The following KCNK10 variants were observed in gnomAD, a reference collection of about 807,000 sequenced individuals.
KCNK10 encodes potassium channel subfamily K member 10.
KCNK10 carries 25 observed loss-of-function variants against 47.7 expected under a neutral mutation model. The observed-to-expected ratio is 0.52, with a 90% confidence interval of 0.38 to 0.73. The LOEUF is 0.73. Among genes scored for constraint, KCNK10 ranks in the 30% least tolerant of loss-of-function variants. The pLI is 0.00. For missense variants in KCNK10, 563 were observed against 714.5 expected, an observed-to-expected ratio of 0.79 and a Z score of 2.42; for synonymous variants, 303 against 285.6, an observed-to-expected ratio of 1.06 and a Z score of -0.61.
chr14:88,304,227 A>C (rs1410417876), intron 1 of KCNK10, among the ~76,000 whole-genome samples: 1 of 152,012 alleles, frequency 6.6e-6, no homozygotes, highest in African/African-American at 2.4e-5. Context: ...GGGCGGGAGG[A>C]TCACTTGAGC....
chr14:88,285,618 A>G (rs1398448311), intron 1 of KCNK10, among the ~76,000 whole-genome samples: 1 of 152,202 alleles, frequency 6.6e-6, no homozygotes, highest in Non-Finnish European at 1.5e-5. Context: ...ACGAAAGCTT[A>G]GCTGTTCTAA....
At chr14:88,261,093 A>G (rs1173230934) in intron 2 of KCNK10, among the ~76,000 whole-genome samples, 2 of 152,260 alleles carry the variant, frequency 1.3e-5, no homozygotes, top group East Asian at 1.9e-4. Context: ...TTGCTTTGAT[A>G]TCTTGCTCTA....
At chr14:88,287,763 T>C (rs1887798213) in intron 1 of KCNK10, among the ~76,000 whole-genome samples, 1 of 151,686 alleles carries the variant, frequency 6.6e-6, no homozygotes, top group Non-Finnish European at 1.5e-5. Context: ...TGATGGGCAT[T>C]TGGGCTGGTT....
chr14:88,324,702 G>A (rs1359329800), upstream of KCNK10, among the ~76,000 whole-genome samples: 2 of 152,140 alleles, frequency 1.3e-5, no homozygotes, highest in Non-Finnish European at 2.9e-5. Flanking sequence ...ATGCCTGCCA[G>A]CTGGGGTCCT....
chr14:88,312,791 C>A lies in KCNK10; in HGVS notation c.52+9956G>T, dbSNP rs532039710. Among the ~76,000 whole-genome samples, 10 of 152,206 alleles carry A rather than the reference C, an allele frequency of 6.6e-5. No individual in the cohort carries two copies. The South Asian group carries it at 2.1e-3, about 32-fold the overall frequency. On this transcript the variant is annotated intron_variant, in intron 1 of 6. Transcript: ENST00000319231. ...CACAAGACAGGCAAAATAGACACTT[C>A]CAGTATTTGAATAATACAAAAAGTT...
chr14:88,287,624 G>A (rs1006236266), intron 1 of KCNK10, among the ~76,000 whole-genome samples: 2 of 151,770 alleles, frequency 1.3e-5, no homozygotes, highest in African/African-American at 4.9e-5. Context: ...CATCCAGGTT[G>A]CTGCAGATGC....
chr14:88,254,448 T>C (rs1041011077), intron 2 of KCNK10, among the ~76,000 whole-genome samples: 1 of 152,068 alleles, frequency 6.6e-6, no homozygotes, highest in African/African-American at 2.4e-5. Flanking sequence ...ATGGGACCAC[T>C]CGAGCTCCCC....
At chr14:88,257,870 C>G (rs916479930) in intron 2 of KCNK10, among the ~76,000 whole-genome samples, 2 of 152,184 alleles carry the variant, frequency 1.3e-5, no homozygotes, top group African/African-American at 2.4e-5. Flanking sequence ...GCTTCTCAAC[C>G]TATGAGCATG....
At chr14:88,221,328 T>TAAC (rs746010391) in intron 4 of KCNK10, among the ~76,000 whole-genome samples, 4 of 150,134 alleles carry the variant, frequency 2.7e-5, no homozygotes, top group Non-Finnish European at 5.9e-5. Context: ...ATAATAATAA[T>TAAC]ACATTACACA....
intron 1 of KCNK10, chr14:88,271,010 C>A (rs1887394432): frequency 3.4e-6 from 2 of 596,684 alleles, no homozygotes; most frequent in Non-Finnish European, 6.0e-6. Context: ...CCAAACCCAG[C>A]AGCACCCAGA....
chr14:88,234,366 T>C (rs1172446441), intron 3 of KCNK10, among the ~76,000 whole-genome samples: 2 of 152,244 alleles, frequency 1.3e-5, no homozygotes, highest in Admixed American at 6.5e-5. Flanking sequence ...TGTTTCTAAA[T>C]AACAATGGCA....
intron 1 of KCNK10, among the ~76,000 whole-genome samples, chr14:88,310,205 G>GATATAACATATGATATGGTATATC (rs1888291981): frequency 2.4e-5 from 1 of 42,340 alleles, no homozygotes; most frequent in Non-Finnish European, 6.1e-5. Flanking sequence ...TATGGTATAT[G>GATATAACATATGATATGGTATATC]ATATACCATA....
At chr14:88,188,132 T>G in intron 5 of KCNK10, 23 bp from the exon 6 acceptor site, 1 of 1,613,580 alleles carries the variant, frequency 6.2e-7, no homozygotes, top group Non-Finnish European at 8.5e-7. Context: ...AAATGTTACT[T>G]TAACCATGAT....
intron 4 of KCNK10, among the ~76,000 whole-genome samples, chr14:88,220,416 CAAAAAAAAAAAAAAAAAAAAAA>C (rs58562095): frequency 1.3e-4 from 4 of 30,158 alleles, no homozygotes; most frequent in African/African-American, 4.4e-4. Context: ...GACTCCGTCT[CAAAAAAAAAAAAAAAAAAAAAA>C]AAAAAAAAAA....
chr14:88,263,606 C>T, intron 1 of KCNK10, 55 bp from the exon 2 acceptor site: 1 of 1,446,596 alleles, frequency 6.9e-7, no homozygotes, highest in Non-Finnish European at 9.4e-7. Context: ...TAAATAAATA[C>T]AAAACGTGTC....
At chr14:88,236,759 TTAG>T (rs1426172066) in intron 3 of KCNK10, among the ~76,000 whole-genome samples, 1 of 152,210 alleles carries the variant, frequency 6.6e-6, no homozygotes, top group Non-Finnish European at 1.5e-5. Flanking sequence ...TACAATAGCA[TTAG>T]GTCTAAAAAA....
intron 2 of KCNK10, among the ~76,000 whole-genome samples, chr14:88,261,517 C>T (rs1220976070): frequency 3.9e-5 from 6 of 152,156 alleles, no homozygotes; most frequent in African/African-American, 1.4e-4. Context: ...CTTTAGGAGG[C>T]CAAGGCGGGT....
At chr14:88,203,230 G>C (rs995995723) in intron 4 of KCNK10, among the ~76,000 whole-genome samples, 3 of 152,210 alleles carry the variant, frequency 2.0e-5, no homozygotes, top group African/African-American at 7.2e-5. Context: ...GGCTTCCTCC[G>C]GGACCAGTTC....
chr14:88,214,316 G>C (rs1885551892), intron 4 of KCNK10, among the ~76,000 whole-genome samples: 1 of 152,136 alleles, frequency 6.6e-6, no homozygotes, highest in Non-Finnish European at 1.5e-5. Context: ...TGCTTTGGAG[G>C]ACAAGGCCAG....
Sources: allele counts gnomAD v4.1 joint callset (sites outside exome capture counted in the v4.1 genomes callset), GRCh38; gene constraint gnomAD v4.1.1; transcripts MANE v1.5; gene names NCBI Gene and HGNC (gene_info 2026-07-23, HGNC 2026-07-21).